The following CACNA2D3 variants were observed in gnomAD, a reference collection of about 807,000 sequenced individuals.
The protein encoded by CACNA2D3 is voltage-dependent calcium channel subunit alpha-2/delta-3.
A neutral mutation model predicts 160.6 loss-of-function variants in CACNA2D3; 60 were observed. The observed-to-expected ratio is 0.37, with a 90% CI of 0.30 to 0.46. The LOEUF (loss-of-function observed/expected upper bound fraction) is 0.46, where lower values mean the gene tolerates loss of function less well. Among genes scored for constraint, CACNA2D3 ranks in the 20% least tolerant of loss-of-function variants. CACNA2D3 has a pLI of 1.00. For synonymous variants in CACNA2D3, 558 were observed against 492.9 expected (o/e 1.13, Z -1.75); for missense variants, 1,205 against 1,365.0 (o/e 0.88, Z 1.85).
At chr3:54,265,691 G>A (rs1702498852) in intron 2 of CACNA2D3, among the ~76,000 whole-genome samples, 1 of 146,158 alleles carries the variant, frequency 6.8e-6, no homozygotes, top group Non-Finnish European at 1.5e-5. Context: ...TATATATAGT[G>A]TGGGTATATA....
At chr3:55,038,864 C>CTATATATATATATATA (rs10576329) in intron 35 of CACNA2D3, among the ~76,000 whole-genome samples, 28 of 99,080 alleles carry the variant, frequency 2.8e-4, no homozygotes, top group African/African-American at 5.1e-4. Context: ...AGCCAGGATG[C>CTATATATATATATATA]TATATATATA....
intron 9 of CACNA2D3, among the ~76,000 whole-genome samples, chr3:54,587,269 A>AAG (rs397740721): frequency 4.0e-5 from 6 of 150,962 alleles, no homozygotes; most frequent in Non-Finnish European, 8.9e-5. Flanking sequence ...ATAAAAATGA[A>AAG]GAGAGGGGCA....
chr3:54,305,060 G>A (rs7635568), intron 2 of CACNA2D3, among the ~76,000 whole-genome samples: 22,371 of 152,200 alleles, frequency 0.15, 1,753 homozygotes, highest in East Asian at 0.3. Flanking sequence ...GCATAGTAAC[G>A]TAGCAGCTGT....
intron 32 of CACNA2D3, among the ~76,000 whole-genome samples, chr3:55,005,942 A>G (rs1703083702): frequency 6.6e-6 from 1 of 152,214 alleles, no homozygotes; most frequent in Non-Finnish European, 1.5e-5. Context: ...TTGCAGATGT[A>G]AGATGTTACA....
At chr3:55,057,741 C>T (rs564933849) in intron 35 of CACNA2D3, among the ~76,000 whole-genome samples, 1 of 152,154 alleles carries the variant, frequency 6.6e-6, no homozygotes, top group Non-Finnish European at 1.5e-5. Context: ...TTCTGGCATA[C>T]CCTGTTATCT....
chr3:54,869,004 C>T (rs541238065), intron 17 of CACNA2D3, among the ~76,000 whole-genome samples: 13 of 152,270 alleles, frequency 8.5e-5, no homozygotes, highest in South Asian at 2.1e-4. Flanking sequence ...TTGTAACTGA[C>T]GAAGGAAGCT....
chr3:54,595,588 A>C (rs2106763454), intron 9 of CACNA2D3, among the ~76,000 whole-genome samples: 1 of 152,086 alleles, frequency 6.6e-6, no homozygotes, highest in African/African-American at 2.4e-5. Context: ...TGCCTGTGAC[A>C]ACTGCTTGGG....
chr3:54,174,842 G>T (rs1700645533), intron 2 of CACNA2D3, among the ~76,000 whole-genome samples: 1 of 152,138 alleles, frequency 6.6e-6, no homozygotes, highest in African/African-American at 2.4e-5. Flanking sequence ...GGACTATTTT[G>T]AAGAAAAATG....
chr3:54,360,166 A>T (rs1333194541), intron 3 of CACNA2D3, among the ~76,000 whole-genome samples: 1 of 152,164 alleles, frequency 6.6e-6, no homozygotes, highest in Non-Finnish European at 1.5e-5. Flanking sequence ...TTTGCACTGA[A>T]ACTGCAGAGT....
chr3:54,599,279 A>T (rs1703019573), intron 9 of CACNA2D3, among the ~76,000 whole-genome samples: 1 of 152,186 alleles, frequency 6.6e-6, no homozygotes, highest in African/African-American at 2.4e-5. Flanking sequence ...TGGATCTTAT[A>T]TTTTATATTA....
At chr3:54,196,474 C>T (rs1701083435) in intron 2 of CACNA2D3, among the ~76,000 whole-genome samples, 1 of 152,298 alleles carries the variant, frequency 6.6e-6, no homozygotes, top group South Asian at 2.1e-4. Flanking sequence ...TTGCTAGACC[C>T]CAGCTTGCCT....
At chr3:54,845,562 A>C (rs1041909083) in intron 16 of CACNA2D3, among the ~76,000 whole-genome samples, 3 of 152,242 alleles carry the variant, frequency 2.0e-5, no homozygotes, top group Admixed American at 1.3e-4. Flanking sequence ...AATGATTTGT[A>C]GGTAAATTTA....
At chr3:54,462,986 C>G (rs1339337074) in intron 4 of CACNA2D3, among the ~76,000 whole-genome samples, 1 of 150,518 alleles carries the variant, frequency 6.6e-6, no homozygotes, top group Non-Finnish European at 1.5e-5. Flanking sequence ...GACAAAATCT[C>G]TCAGCATTTG....
intron 2 of CACNA2D3, among the ~76,000 whole-genome samples, chr3:54,288,878 A>T (rs1316389876): frequency 2.0e-5 from 3 of 152,228 alleles, no homozygotes; most frequent in East Asian, 3.8e-4. Flanking sequence ...AACAACCTTC[A>T]TGCTAAAAAC....
At chr3:54,802,764 T>TCCCTGAC (rs1186543680) in intron 13 of CACNA2D3, among the ~76,000 whole-genome samples, 1 of 151,996 alleles carries the variant, frequency 6.6e-6, no homozygotes, top group African/African-American at 2.4e-5. Flanking sequence ...CTCAAGTGGG[T>TCCCTGAC]CCCTGACCCC....
At chr3:54,317,683 G>A (rs900380309) in intron 2 of CACNA2D3, among the ~76,000 whole-genome samples, 2 of 152,076 alleles carry the variant, frequency 1.3e-5, no homozygotes, top group Non-Finnish European at 2.9e-5. Flanking sequence ...GATTACAGGC[G>A]CCCACCACCA....
At chr3:54,946,898 T>C (rs1701629821) in intron 27 of CACNA2D3, among the ~76,000 whole-genome samples, 1 of 152,160 alleles carries the variant, frequency 6.6e-6, no homozygotes, top group South Asian at 2.1e-4. Flanking sequence ...TGAATGATCT[T>C]TATCTGTAAT....
intron 2 of CACNA2D3, among the ~76,000 whole-genome samples, chr3:54,154,731 A>G (rs1219381610): frequency 1.3e-5 from 2 of 152,100 alleles, no homozygotes; most frequent in African/African-American, 2.4e-5. Flanking sequence ...GTGAGATAAC[A>G]TGGTGTGGTG....
intron 2 of CACNA2D3, among the ~76,000 whole-genome samples, chr3:54,136,750 C>G (rs1267248498): frequency 6.6e-6 from 1 of 152,212 alleles, no homozygotes; most frequent in African/African-American, 2.4e-5. Context: ...AGGCTTTAGC[C>G]TGCAGAAATG....
Sources: gnomAD v4.1 joint callset for allele counts (sites outside exome capture counted in the v4.1 genomes callset) on GRCh38, gnomAD v4.1.1 for gene constraint, MANE v1.5 for transcripts, NCBI Gene and HGNC (gene_info 2026-07-23, HGNC 2026-07-21) for gene names.